SMCHD1: variants seen among roughly 807,000 people sequenced by gnomAD.
The protein encoded by SMCHD1 is structural maintenance of chromosomes flexible hinge domain-containing protein 1.
In SMCHD1, 78 loss-of-function variants were observed where a neutral mutation model predicts 254.7. The ratio of observed to expected loss-of-function variants is 0.31; its 90% CI spans 0.26 to 0.37. The LOEUF is 0.37. Ranked by LOEUF, SMCHD1 falls within the 10% of genes least tolerant of loss-of-function variation. The pLI is 1.00. For synonymous variants in SMCHD1, 766 were observed against 794.9 expected (o/e 0.96, Z 0.61); for missense variants, 1,840 against 2,408.1 (o/e 0.76, Z 4.94).
rs146441077 is a variant in SMCHD1, at chr18:2,656,122, C to G, written c.47C>G (p.Thr16Ser). Residue 16 changes from threonine (T) to serine (S), a missense_variant, in exon 1 of 48, where the codon ACT (threonine) becomes AGT (serine). Thr to Ser is a moderately conservative substitution (Grantham distance 58). Transcript: ENST00000320876. ...GGGCCTGGTGGGGCCTCTGTGGGGA[C>G]TGAGGAGGATGGCGGAGGCGTCGGC... Reference protein sequence around the residue: ...GGGPGGASVGTEEDGGGVGHR... With the variant: ...GGGPGGASVGSEEDGGGVGHR... The G allele has an allele frequency of 4.7e-5, 70 of 1,478,970 alleles. No homozygotes were observed. Among genetic ancestry groups the G allele is most frequent in the East Asian group, 2.5e-4 (9 of 36,470 alleles). 91.6% of individuals were successfully genotyped at this position (1,478,970 alleles called of 1,614,324 possible). A position where few individuals can be genotyped will look rare whatever the true frequency, so the allele number is the denominator to read the frequency against.
chr18:2,779,447 A>C (rs2076119650), intron 44 of SMCHD1, among the ~76,000 whole-genome samples: 1 of 152,358 alleles, frequency 6.6e-6, no homozygotes, highest in East Asian at 1.9e-4. Flanking sequence ...AAGAGGATCC[A>C]GGAGGGCAGT....
In SMCHD1 at chr18:2,762,069, A is replaced by G. The variant is rs376926161; in HGVS notation, c.4435-36A>G. On this transcript the variant is annotated intron_variant, in intron 35 of 47. Transcript: ENST00000320876. The stretch of plus-strand genomic sequence containing the variant: ...TCCTCTTAAATGCTAAAGCATCAAT[A>G]TATTGTTAATCAGAATGTCTCTTTT... The G allele has an allele frequency of 2.5e-6, 4 of 1,592,392 alleles. No homozygotes were observed. In the African/African-American group the frequency reaches 5.4e-5, roughly 21 times the overall value.
chr18:2,700,375 A>G (rs2074374547), intron 10 of SMCHD1, among the ~76,000 whole-genome samples, 164 bp from the exon 11 acceptor site: 1 of 152,236 alleles, frequency 6.6e-6, no homozygotes, highest in Non-Finnish European at 1.5e-5. Flanking sequence ...GACAGACAGC[A>G]TTCGTAATGT....
intron 5 of SMCHD1, among the ~76,000 whole-genome samples, chr18:2,685,250 C>T (rs1598312188): frequency 6.6e-6 from 1 of 151,972 alleles, no homozygotes; most frequent in East Asian, 1.9e-4. Context: ...CAGGCGCCCG[C>T]CACCACGCCC....
At chr18:2,770,205 A>G (rs765028774) in intron 39 of SMCHD1, 97 bp downstream of exon 39, 101 of 1,261,902 alleles carry the variant, frequency 8.0e-5, no homozygotes, top group Middle Eastern at 1.9e-4. Context: ...TTCCTAAATT[A>G]CAAGTAAAAT....
intron 44 of SMCHD1, among the ~76,000 whole-genome samples, chr18:2,779,562 C>T (rs1040566945): frequency 6.6e-6 from 1 of 152,142 alleles, no homozygotes; most frequent in African/African-American, 2.4e-5. Flanking sequence ...AAGCCAGTAT[C>T]TGTAAATAGT....
intron 34 of SMCHD1, among the ~76,000 whole-genome samples, chr18:2,754,825 A>AT (rs200276808): frequency 0.17 from 25,118 of 146,784 alleles, 2,966 homozygotes; most frequent in East Asian, 0.42. Flanking sequence ...CGTGGAATTG[A>AT]TTTTTTTTTT....
At chr18:2,660,696 A>G (rs2073225726) in intron 1 of SMCHD1, among the ~76,000 whole-genome samples, 1 of 144,254 alleles carries the variant, frequency 6.9e-6, no homozygotes, top group Non-Finnish European at 1.5e-5. Flanking sequence ...GTGGTCTGGA[A>G]CTCCTGACCT....
intron 17 of SMCHD1, among the ~76,000 whole-genome samples, chr18:2,710,218 T>C (rs2074635418): frequency 6.6e-6 from 1 of 152,232 alleles, no homozygotes. Flanking sequence ...ATGTGAGAAT[T>C]TATTTCTGGG....
intron 3 of SMCHD1, among the ~76,000 whole-genome samples, chr18:2,667,542 A>C (rs685299): frequency 0.17 from 26,179 of 152,152 alleles, 5,511 homozygotes; most frequent in African/African-American, 0.5. Flanking sequence ...CTCTTTCAGG[A>C]CTTGCCAAAG....
chr18:2,780,335 TG>T (rs2076137155), intron 44 of SMCHD1, among the ~76,000 whole-genome samples: 1 of 151,014 alleles, frequency 6.6e-6, no homozygotes, highest in Admixed American at 6.6e-5. Context: ...TATAGCTAAT[TG>T]GAAAATGGTA....
intron 5 of SMCHD1, among the ~76,000 whole-genome samples, chr18:2,680,307 C>G (rs1235565359): frequency 1.7e-5 from 1 of 60,424 alleles, no homozygotes; most frequent in Non-Finnish European, 3.3e-5. Flanking sequence ...TCTGATGCCA[C>G]CCCCTTCCCC....
At chr18:2,769,890 C>T in intron 38 of SMCHD1, 70 bp downstream of exon 38, 1 of 1,545,756 alleles carries the variant, frequency 6.5e-7, no homozygotes, top group Non-Finnish European at 8.7e-7. Context: ...GTTTTGCTTT[C>T]CATTAACTTG....
intron 5 of SMCHD1, among the ~76,000 whole-genome samples, chr18:2,683,940 C>T (rs1222328702): frequency 6.6e-6 from 1 of 151,954 alleles, no homozygotes; most frequent in Non-Finnish European, 1.5e-5. Context: ...TTATAGACAA[C>T]ATATAGTTGG....
Position 2,777,786 on chromosome 18 carries a change from T to C in SMCHD1, c.5367-20T>C, listed in dbSNP as rs934350525. 5.8e-6 allele frequency: 8 copies of C among 1,367,908 alleles called. No individual in the cohort carries two copies. The South Asian group carries it at 9.7e-5, about 17-fold the overall frequency. 84.7% of individuals were successfully genotyped at this position (1,367,908 alleles called of 1,614,324 possible). On this transcript the variant is annotated intron_variant, in intron 42 of 47. Coordinates refer to ENST00000320876, the MANE Select transcript of SMCHD1 (RefSeq NM_015295.3). ...AAAGTCATGTGCTTTAATATCTTTT[T>C]AAAATTTCTTTTTATTTAGATCTCT... is the stretch of plus-strand genomic sequence containing the variant.
chr18:2,764,674 G>A (rs1248896345), intron 37 of SMCHD1, among the ~76,000 whole-genome samples: 1 of 152,036 alleles, frequency 6.6e-6, no homozygotes, highest in Non-Finnish European at 1.5e-5. Flanking sequence ...TATTTTCATA[G>A]CATTTTAGTA....
At chr18:2,711,831 T>G (rs1181804633) in intron 17 of SMCHD1, among the ~76,000 whole-genome samples, 1 of 151,952 alleles carries the variant, frequency 6.6e-6, no homozygotes, top group African/African-American at 2.4e-5. Flanking sequence ...TAATGGGAGG[T>G]TTTGGAGTCA....
At chr18:2,744,774 G>A (rs2075418638) in intron 29 of SMCHD1, among the ~76,000 whole-genome samples, 1 of 152,116 alleles carries the variant, frequency 6.6e-6, no homozygotes, top group South Asian at 2.1e-4. Flanking sequence ...GTTTTAAAAT[G>A]TCCAGATTCT....
At chr18:2,703,911 T>C (rs1184194092) in intron 13 of SMCHD1, 25 bp downstream of exon 13, 3 of 1,484,658 alleles carry the variant, frequency 2.0e-6, no homozygotes, top group African/African-American at 1.4e-5. Context: ...TTGTCACTTT[T>C]TTCTTATAAT....
Sources: allele counts gnomAD v4.1 joint callset (sites outside exome capture counted in the v4.1 genomes callset), GRCh38; gene constraint gnomAD v4.1.1; transcripts MANE v1.5; gene names NCBI Gene and HGNC (gene_info 2026-07-23, HGNC 2026-07-21).